GCNT2: variants seen among roughly 807,000 people sequenced by gnomAD.
GCNT2 encodes glucosaminyl (N-acetyl) transferase 2 (I blood group).
A neutral mutation model predicts 34.2 loss-of-function variants in GCNT2; 34 were observed. The observed-to-expected ratio is 1.00, with a 90% CI of 0.76 to 1.32. The LOEUF (loss-of-function observed/expected upper bound fraction) is 1.32. GCNT2 is among the 40% of genes most tolerant of loss of function. GCNT2 has a pLI of 0.00. For synonymous variants in GCNT2, 212 were observed against 188.0 expected (o/e 1.13, Z -1.04); for missense variants, 584 against 489.4 (o/e 1.19, Z -1.82).
chr6:10,576,211 C>A (rs892670278), intron 3 of GCNT2, among the ~76,000 whole-genome samples: 1 of 152,170 alleles, frequency 6.6e-6, no homozygotes, highest in Admixed American at 6.5e-5. Flanking sequence ...GAAACAACTT[C>A]GTGACATGAA....
chr6:10,586,727 T>C (rs1764367977), intron 3 of GCNT2: 1 of 1,613,908 alleles, frequency 6.2e-7, no homozygotes. Context: ...TTGTGAAAAA[T>C]ACTAATATTT....
intron 3 of GCNT2, among the ~76,000 whole-genome samples, chr6:10,549,736 C>T (rs1050857614): frequency 1.3e-5 from 2 of 151,872 alleles, no homozygotes; most frequent in South Asian, 2.1e-4. Flanking sequence ...TTTCCTACAC[C>T]GTCTTCGAAT....
chr6:10,581,992 A>G (rs966069420), intron 3 of GCNT2: 2 of 266,934 alleles, frequency 7.5e-6, no homozygotes, highest in Admixed American at 6.8e-5. Flanking sequence ...TTATATGTAT[A>G]TATAAATATA....
In GCNT2 at chr6:10,628,687, G is replaced by C. The variant is rs1194921911; in HGVS notation, c.*2080G>C. Reference sequence around the variant, plus strand: ...GTAAGGGAAGTTTAGATGAGGTCACGAGGGTAGGACCCTCATGATGGGATG... The same window carrying C: ...GTAAGGGAAGTTTAGATGAGGTCACCAGGGTAGGACCCTCATGATGGGATG... On this transcript the variant is annotated 3_prime_UTR_variant, in exon 5 of 5. Coordinates refer to ENST00000495262, the MANE Select transcript of GCNT2 (RefSeq NM_145649.5). The C allele has an allele frequency of 6.6e-6, 1 of 152,282 alleles. No homozygotes were observed. The highest frequency in any genetic ancestry group is 2.4e-5 in the African/African-American group (1 of 41,470). 9.4% of individuals were successfully genotyped at this position (152,282 alleles called of 1,614,324 possible).
intron 3 of GCNT2, among the ~76,000 whole-genome samples, chr6:10,575,859 A>T (rs890942782): frequency 8.2e-5 from 12 of 146,718 alleles, no homozygotes; most frequent in African/African-American, 2.8e-4. Context: ...TGCGACCCCC[A>T]CTCCTGCCCG....
At chr6:10,607,137 G>A (rs1221568411) in intron 3 of GCNT2, among the ~76,000 whole-genome samples, 1 of 151,846 alleles carries the variant, frequency 6.6e-6, no homozygotes, top group African/African-American at 2.4e-5. Flanking sequence ...TAGTAGAGAC[G>A]GGGTTTCACC....
intron 3 of GCNT2, among the ~76,000 whole-genome samples, chr6:10,572,064 C>A (rs1373473692): frequency 6.7e-6 from 1 of 149,978 alleles, no homozygotes. Flanking sequence ...GCCAAAGCTT[C>A]TCTAGCTCTA....
At chr6:10,612,672 AG>A (rs1403509447) in intron 3 of GCNT2, among the ~76,000 whole-genome samples, 7 of 152,176 alleles carry the variant, frequency 4.6e-5, no homozygotes, top group African/African-American at 1.7e-4. Flanking sequence ...TTTCTCATTT[AG>A]CCCTCCCAAA....
chr6:10,525,414 A>C (rs1581353948), intron 1 of GCNT2, among the ~76,000 whole-genome samples: 1 of 152,172 alleles, frequency 6.6e-6, no homozygotes, highest in East Asian at 1.9e-4. Context: ...ACCTGGGATG[A>C]ACAATCTCGC....
intron 3 of GCNT2, among the ~76,000 whole-genome samples, chr6:10,587,898 T>C (rs537305149): frequency 6.6e-6 from 1 of 152,098 alleles, no homozygotes; most frequent in Admixed American, 6.6e-5. Flanking sequence ...ACTTCCTGTC[T>C]ACACACACAC....
chr6:10,543,726 C>T (rs187430333), intron 3 of GCNT2, among the ~76,000 whole-genome samples: 2 of 152,148 alleles, frequency 1.3e-5, no homozygotes, highest in African/African-American at 4.8e-5. Context: ...ACTTGTTGGC[C>T]TTTGATATAT....
chr6:10,572,033 G>A lies in GCNT2; in HGVS notation c.925+42197G>A, dbSNP rs531528725. 5.4e-5 allele frequency among the ~76,000 whole-genome samples: 8 copies of A among 149,490 alleles called. No homozygotes were observed. In the South Asian group the frequency reaches 1.7e-3, roughly 31 times the overall value. On this transcript the variant is annotated intron_variant, in intron 3 of 4. Coordinates refer to ENST00000495262, the MANE Select transcript of GCNT2 (RefSeq NM_145649.5). ...GTGGTTAGGACTGATGCTATCTAGAGTGAACAATTCTCCCTGGTCTGCCAA... is the reference window on the plus strand; with the variant it reads ...GTGGTTAGGACTGATGCTATCTAGAATGAACAATTCTCCCTGGTCTGCCAA...
chr6:10,523,673 C>G (rs1761035272), intron 1 of GCNT2, among the ~76,000 whole-genome samples: 1 of 151,722 alleles, frequency 6.6e-6, no homozygotes, highest in African/African-American at 2.4e-5. Context: ...TGTCTTGACT[C>G]TAGACTTGAA....
At chr6:10,600,830 GATCTTGGCTTATTGCAGTGGTGCA>G (rs1283891692) in intron 3 of GCNT2, among the ~76,000 whole-genome samples, 2 of 151,964 alleles carry the variant, frequency 1.3e-5, no homozygotes, top group Admixed American at 6.6e-5. Flanking sequence ...GCAGTGATGC[GATCTTGGCTTATTGCAGTGGTGCA>G]ATCTTGGCTT....
At chr6:10,606,266 G>T (rs9466916) in intron 3 of GCNT2, among the ~76,000 whole-genome samples, 68,319 of 152,110 alleles carry the variant, frequency 0.45, 17,186 homozygotes, top group East Asian at 0.64. Flanking sequence ...AGTGAGCCAA[G>T]ATCACGCTAT....
At chr6:10,614,119 G>T (rs1765668344) in intron 3 of GCNT2, among the ~76,000 whole-genome samples, 1 of 152,120 alleles carries the variant, frequency 6.6e-6, no homozygotes, top group Non-Finnish European at 1.5e-5. Flanking sequence ...TACATTCAGG[G>T]TCTTCAATCT....
chr6:10,581,499 A>G (rs1581439856), intron 3 of GCNT2, among the ~76,000 whole-genome samples: 1 of 152,148 alleles, frequency 6.6e-6, no homozygotes, highest in African/African-American at 2.4e-5. Flanking sequence ...CGAACTCCCA[A>G]CCTCAGGTGA....
At chr6:10,596,248 G>C (rs1764847427) in intron 3 of GCNT2, among the ~76,000 whole-genome samples, 1 of 152,182 alleles carries the variant, frequency 6.6e-6, no homozygotes, top group South Asian at 2.1e-4. Context: ...ATTCAGCTGG[G>C]TGCAGTGACT....
chr6:10,557,162 G>A (rs1762755110), intron 3 of GCNT2: 2 of 1,548,922 alleles, frequency 1.3e-6, no homozygotes, highest in Admixed American at 2.1e-5. Flanking sequence ...AAGAACAACA[G>A]CGTTGAAACC....
Sources: allele counts gnomAD v4.1 joint callset (sites outside exome capture counted in the v4.1 genomes callset), GRCh38; gene constraint gnomAD v4.1.1; transcripts MANE v1.5; gene names NCBI Gene and HGNC (gene_info 2026-07-23, HGNC 2026-07-21).